Variants in FAM120C observed in about 807,000 individuals in gnomAD.
The protein encoded by FAM120C is constitutive coactivator of PPAR-gamma-like protein 2.
A neutral mutation model predicts 71.2 loss-of-function variants in FAM120C; 14 were observed. That is an observed-to-expected ratio of 0.20 (90% CI 0.13 to 0.31). The LOEUF is 0.31. FAM120C is among the 10% of genes least tolerant of loss of function. The pLI is 1.00. For synonymous variants in FAM120C, 354 were observed against 353.2 expected (o/e 1.00, Z -0.03); for missense variants, 500 against 879.0 (o/e 0.57, Z 5.45).
rs137865310 is a variant in FAM120C at position 54,166,656 on chromosome X, A to G, written c.700-7040T>C. Reference sequence around the variant, plus strand: ...ATATGGTAAATGGTAAGTGCAAGGTACAGAACATTATGCATAGTATGCTGT... The same window carrying G: ...ATATGGTAAATGGTAAGTGCAAGGTGCAGAACATTATGCATAGTATGCTGT... On this transcript the variant is annotated intron_variant, in intron 1 of 15. Transcript: ENST00000375180. Among the ~76,000 whole-genome samples the G allele has an allele frequency of 9.8e-3, 1,103 of 112,116 alleles. 32 individuals are homozygous for G. Among genetic ancestry groups the G allele is most frequent in the Admixed American group, 0.076 (798 of 10,479 alleles).
At chrX:54,087,606 G>T in intron 12 of FAM120C, 149 bp downstream of exon 12, 1 of 516,712 alleles carries the variant, frequency 1.9e-6, no homozygotes, top group Non-Finnish European at 3.2e-6. Context: ...GGGCCTTTGG[G>T]ACCACTGTTG....
At chrX:54,156,205 A>T (rs1303719793) in intron 3 of FAM120C, among the ~76,000 whole-genome samples, 3 of 110,356 alleles carry the variant, frequency 2.7e-5, no homozygotes, top group Non-Finnish European at 5.7e-5. Context: ...TTGAGGACAG[A>T]GAAGGTATGA....
chrX:54,092,575 G>A (rs2066829921), intron 10 of FAM120C, among the ~76,000 whole-genome samples: 1 of 109,803 alleles, frequency 9.1e-6, no homozygotes, highest in African/African-American at 3.3e-5. Flanking sequence ...AGGAGACGAC[G>A]AAGAAGAAAG....
chrX:54,129,478 C>T (rs782035962), intron 9 of FAM120C, among the ~76,000 whole-genome samples: 7 of 107,787 alleles, frequency 6.5e-5, no homozygotes, highest in Non-Finnish European at 9.7e-5. Context: ...CGGGAAGAGG[C>T]GCTCCTCACT....
At chrX:54,139,890 C>T (rs1557131333) in intron 4 of FAM120C, among the ~76,000 whole-genome samples, 4 of 110,988 alleles carry the variant, frequency 3.6e-5, no homozygotes, top group East Asian at 2.8e-4. Context: ...TTATTTGCAG[C>T]GTGCATGTAC....
intron 15 of FAM120C, among the ~76,000 whole-genome samples, chrX:54,074,580 G>C (rs1474336264): frequency 3.6e-5 from 4 of 111,977 alleles, no homozygotes; most frequent in Non-Finnish European, 7.5e-5. Flanking sequence ...CACCATGCCC[G>C]GCTAATTTTG....
chrX:54,080,023 C>T (rs1363409516), intron 15 of FAM120C, among the ~76,000 whole-genome samples: 7 of 110,118 alleles, frequency 6.4e-5, no homozygotes, highest in Admixed American at 3.9e-4. Context: ...TGGCCTCACT[C>T]GGAAAAGGGT....
In FAM120C at chrX:54,139,329, T is replaced by TTTTATTTATGTA. The variant is rs1557131208; in HGVS notation, c.1159-2740_1159-2739insTACATAAATAAA. ...TCATAGATTTTGATTTTTTTTTTGCTTTTATTTATTTATTTATTTATTTAT... is the reference window on the plus strand; with the variant it reads ...TCATAGATTTTGATTTTTTTTTTGCTTTTATTTATGTATTTATTTATTTATTTATTTATTTAT... On this transcript the variant is annotated intron_variant, in intron 4 of 15. Transcript: ENST00000375180. Among the ~76,000 whole-genome samples, 3 of 88,976 alleles carry TTTTATTTATGTA rather than the reference T, an allele frequency of 3.4e-5. No homozygotes were observed. The Admixed American group carries it at 4.0e-4, about 12-fold the overall frequency. The allele number at this position is 88,976 out of a possible 115,157, so 77.3% of individuals were successfully genotyped here.
At chrX:54,136,078 A>C (rs1179606763) in intron 5 of FAM120C, among the ~76,000 whole-genome samples, 1 of 107,816 alleles carries the variant, frequency 9.3e-6, no homozygotes, top group East Asian at 2.9e-4. Context: ...GGCTCACCGC[A>C]AACTCCGCCT....
chrX:54,165,432 A>T (rs966892731), intron 1 of FAM120C, among the ~76,000 whole-genome samples: 3 of 111,771 alleles, frequency 2.7e-5, no homozygotes, highest in East Asian at 5.6e-4. Flanking sequence ...CTGAAGAGTC[A>T]TTTGAGGAGA....
At chrX:54,178,911 A>G (rs1479972764) in intron 1 of FAM120C, among the ~76,000 whole-genome samples, 1 of 112,160 alleles carries the variant, frequency 8.9e-6, no homozygotes, top group Non-Finnish European at 1.9e-5. Flanking sequence ...AATCATAATC[A>G]TTCTAAAAAA....
intron 1 of FAM120C, among the ~76,000 whole-genome samples, chrX:54,163,456 T>A (rs1005895781): frequency 8.9e-6 from 1 of 112,075 alleles, no homozygotes; most frequent in African/African-American, 3.2e-5. Context: ...TCATATGAGA[T>A]GCCCAGAATA....
chrX:54,135,717 T>G (rs2067091210), intron 5 of FAM120C, 113 bp from the exon 6 acceptor site: 1 of 545,561 alleles, frequency 1.8e-6, no homozygotes, highest in Non-Finnish European at 3.0e-6. Flanking sequence ...AGTTACAATT[T>G]ATTGAACAGC....
chrX:54,115,752 A>AT (rs1331632191), intron 10 of FAM120C, among the ~76,000 whole-genome samples: 1 of 111,912 alleles, frequency 8.9e-6, no homozygotes, highest in Non-Finnish European at 1.9e-5. Flanking sequence ...AACGATTGAT[A>AT]TATGAACATG....
At chrX:54,143,136 G>C (rs1389244982) in intron 4 of FAM120C, among the ~76,000 whole-genome samples, 2 of 111,530 alleles carry the variant, frequency 1.8e-5, no homozygotes, top group Non-Finnish European at 3.8e-5. Context: ...CACAGATGGG[G>C]AGAAACCAGA....
intron 9 of FAM120C, among the ~76,000 whole-genome samples, chrX:54,129,476 G>T (rs1323829389): frequency 9.2e-6 from 1 of 108,158 alleles, no homozygotes; most frequent in East Asian, 3.0e-4. Context: ...GCCGGGAAGA[G>T]GCGCTCCTCA....
At position 54,134,837 on chromosome X, in the gene FAM120C, C is replaced by T. The variant is rs1557130111; in HGVS notation, c.1610G>A (p.Ser537Asn). The T allele has an allele frequency of 8.3e-7, 1 of 1,208,126 alleles. No individual in the cohort carries two copies. The highest frequency in any genetic ancestry group is 1.7e-5 in the African/African-American group (1 of 57,207). ...SSDGDEPNGA[S>N]SDHITEAFHH... ...TGTCTACAGAGATACTTACTCAGAG[C>T]TAGCTCCATTTGGCTCATCACCATC... Residue 537 changes from serine (S) to asparagine (N), a missense_variant, in exon 7 of 16, where the codon AGC (serine) becomes AAC (asparagine). Physicochemically the swap from Ser to Asn is conservative, Grantham distance 46. This residue lies in a region of FAM120C where 85 missense variants were observed against 84.9 expected (regional missense o/e 1.00). Transcript: ENST00000375180.
chrX:54,077,279 C>T (rs1557120772), intron 15 of FAM120C, among the ~76,000 whole-genome samples: 1 of 111,798 alleles, frequency 8.9e-6, no homozygotes, highest in Non-Finnish European at 1.9e-5. Context: ...TTGGAATTAG[C>T]ATAGCACGGG....
At chrX:54,129,185 G>A (rs1273682743) in intron 9 of FAM120C, among the ~76,000 whole-genome samples, 11 of 108,045 alleles carry the variant, frequency 1.0e-4, no homozygotes, top group African/African-American at 2.7e-4. Context: ...CCTCCCGGAC[G>A]GGGTGGCTGC....
Sources: allele counts gnomAD v4.1 joint callset (sites outside exome capture counted in the v4.1 genomes callset), GRCh38; gene constraint gnomAD v4.1.1; regional missense constraint gnomAD v4.1.1; transcripts MANE v1.5; gene names NCBI Gene and HGNC (gene_info 2026-07-23, HGNC 2026-07-21).